Variants in PDE11A observed in about 807,000 individuals in gnomAD.
The protein encoded by PDE11A is phosphodiesterase 11A.
A neutral mutation model predicts 100.5 loss-of-function variants in PDE11A; 100 were observed. The observed-to-expected ratio is 1.00, with a 90% CI of 0.85 to 1.18. The LOEUF (loss-of-function observed/expected upper bound fraction) is 1.18, where lower values mean the gene tolerates loss of function less well. Among genes scored for constraint, PDE11A ranks in the 50% most tolerant of loss-of-function variants. PDE11A has a pLI of 0.00. For synonymous variants in PDE11A, 381 were observed against 420.8 expected (o/e 0.91, Z 1.16); for missense variants, 1,141 against 1,152.6 (o/e 0.99, Z 0.15).
intron 2 of PDE11A, among the ~76,000 whole-genome samples, chr2:177,965,579 G>A (rs1023254752): frequency 6.6e-6 from 1 of 152,032 alleles, no homozygotes; most frequent in African/African-American, 2.4e-5. Context: ...TCTGCATATG[G>A]TTAGCCAGTT....
intron 7 of PDE11A, among the ~76,000 whole-genome samples, chr2:177,818,208 C>A (rs890272072): frequency 6.6e-6 from 1 of 151,458 alleles, no homozygotes. Flanking sequence ...TAATATATTG[C>A]CCATATATTA....
intron 4 of PDE11A, among the ~76,000 whole-genome samples, chr2:177,892,890 T>C (rs17329531): frequency 0.14 from 20,974 of 152,248 alleles, 1,553 homozygotes; most frequent in Middle Eastern, 0.27. Flanking sequence ...ATGGGAAAAG[T>C]TGCATTTGCC....
intron 5 of PDE11A, among the ~76,000 whole-genome samples, chr2:177,858,131 A>C (rs932973429): frequency 3.9e-5 from 6 of 152,134 alleles, no homozygotes; most frequent in African/African-American, 9.7e-5. Flanking sequence ...TTAGACCTAA[A>C]ACCATAAAAA....
intron 2 of PDE11A, among the ~76,000 whole-genome samples, chr2:177,962,487 G>A (rs1010154716): frequency 1.3e-5 from 2 of 151,848 alleles, no homozygotes; most frequent in African/African-American, 2.4e-5. Flanking sequence ...GGAAAACATC[G>A]CTATTAATAG....
chr2:177,862,207 G>A (rs2083956169), intron 5 of PDE11A, among the ~76,000 whole-genome samples: 1 of 151,616 alleles, frequency 6.6e-6, no homozygotes. Flanking sequence ...CCAAGACTCA[G>A]CAATAAAAAG....
At chr2:177,857,648 A>G (rs2083864449) in intron 5 of PDE11A, among the ~76,000 whole-genome samples, 1 of 151,990 alleles carries the variant, frequency 6.6e-6, no homozygotes, top group Non-Finnish European at 1.5e-5. Flanking sequence ...GGCATATAGA[A>G]AACAAATACA....
At chr2:177,853,983 A>G (rs1418573527) in intron 5 of PDE11A, among the ~76,000 whole-genome samples, 1 of 150,138 alleles carries the variant, frequency 6.7e-6, no homozygotes, top group African/African-American at 2.5e-5. Flanking sequence ...CACACACAGC[A>G]AGAAAGGGAG....
intron 2 of PDE11A, among the ~76,000 whole-genome samples, chr2:177,989,496 T>C (rs114615425): frequency 2.0e-3 from 311 of 152,312 alleles, no homozygotes; most frequent in African/African-American, 7.3e-3. Context: ...ACTGATGCCA[T>C]TGACACAGTG....
intron 4 of PDE11A, among the ~76,000 whole-genome samples, chr2:177,876,610 T>G (rs1335338952): frequency 6.7e-6 from 1 of 148,328 alleles, no homozygotes; most frequent in Non-Finnish European, 1.5e-5. Context: ...AGCAGAAGCT[T>G]TTTTGATTAT....
intron 15 of PDE11A, among the ~76,000 whole-genome samples, chr2:177,686,404 A>C (rs2080950649): frequency 6.6e-6 from 1 of 152,040 alleles, no homozygotes; most frequent in Admixed American, 6.6e-5. Context: ...CCGTCTCTAG[A>C]AAAAATACAA....
intron 2 of PDE11A, among the ~76,000 whole-genome samples, chr2:177,934,253 T>G (rs1244288506): frequency 6.6e-6 from 1 of 151,962 alleles, no homozygotes; most frequent in African/African-American, 2.4e-5. Flanking sequence ...AGGTCTAATA[T>G]CCAGAATCTA....
chr2:178,070,825 T>C (rs1463724063), intron 1 of PDE11A, among the ~76,000 whole-genome samples: 2 of 152,228 alleles, frequency 1.3e-5, no homozygotes, highest in Non-Finnish European at 1.5e-5. Flanking sequence ...TGCTCAGTCC[T>C]ATCAAAGCTG....
At chr2:177,697,227 C>T in intron 15 of PDE11A, 105 bp downstream of exon 15, 1 of 737,724 alleles carries the variant, frequency 1.4e-6, no homozygotes, top group Non-Finnish European at 2.5e-6. Flanking sequence ...CTGGTTTACA[C>T]ATTGATATCA....
intron 2 of PDE11A, among the ~76,000 whole-genome samples, chr2:177,912,345 A>G (rs1019282371): frequency 5.3e-5 from 8 of 152,082 alleles, no homozygotes; most frequent in African/African-American, 1.9e-4. Context: ...CCTACAAGCT[A>G]GTGTTGGCTA....
At chr2:177,716,319 A>G (rs1381457304) in intron 12 of PDE11A, among the ~76,000 whole-genome samples, 5 of 152,152 alleles carry the variant, frequency 3.3e-5, no homozygotes, top group African/African-American at 1.2e-4. Context: ...TTTTCATGGT[A>G]TCTGAGGCCT....
chr2:177,947,223 G>C (rs1486574077), intron 2 of PDE11A, among the ~76,000 whole-genome samples: 10 of 103,698 alleles, frequency 9.6e-5, no homozygotes, highest in Non-Finnish European at 1.8e-4. Flanking sequence ...CTACTGGGAA[G>C]TGAGGAGCCC....
intron 10 of PDE11A, among the ~76,000 whole-genome samples, chr2:177,761,219 A>G (rs75402598): frequency 6.6e-6 from 1 of 152,272 alleles, no homozygotes; most frequent in East Asian, 1.9e-4. Flanking sequence ...TATCCTAAAC[A>G]AAGAAAACGA....
At chr2:177,839,601 G>T (rs1044028971) in intron 6 of PDE11A, among the ~76,000 whole-genome samples, 1 of 152,068 alleles carries the variant, frequency 6.6e-6, no homozygotes, top group African/African-American at 2.4e-5. Context: ...TGCCTGCTCA[G>T]CTTTGCCTGG....
At chr2:177,873,640 C>T (rs750042541) in intron 5 of PDE11A, among the ~76,000 whole-genome samples, 34 of 152,072 alleles carry the variant, frequency 2.2e-4, no homozygotes, top group Non-Finnish European at 3.8e-4. Flanking sequence ...AGCGTGGTTC[C>T]ATCACAACCC....
Sources: allele counts gnomAD v4.1 joint callset (sites outside exome capture counted in the v4.1 genomes callset), GRCh38; gene constraint gnomAD v4.1.1; transcripts MANE v1.5; gene names NCBI Gene and HGNC (gene_info 2026-07-23, HGNC 2026-07-21).